The following GPC5 variants were observed in gnomAD, a reference collection of about 807,000 sequenced individuals.
GPC5 encodes glypican 5.
A neutral mutation model predicts 53.9 loss-of-function variants in GPC5; 47 were observed. The observed-to-expected ratio is 0.87, with a 90% CI of 0.69 to 1.11. The LOEUF (loss-of-function observed/expected upper bound fraction) is 1.11, where lower values mean the gene tolerates loss of function less well. Ranked by LOEUF, GPC5 falls within the 50% of genes most tolerant of loss-of-function variation. The pLI is 0.00. For missense variants in GPC5, 748 were observed against 713.1 expected, an observed-to-expected ratio of 1.05 and a Z score of -0.56; for synonymous variants, 286 against 263.3, an observed-to-expected ratio of 1.09 and a Z score of -0.84.
intron 7 of GPC5, among the ~76,000 whole-genome samples, chr13:92,179,875 T>C (rs1207068885): frequency 6.6e-6 from 1 of 152,200 alleles, no homozygotes; most frequent in African/African-American, 2.4e-5. Flanking sequence ...TGAAAACGTA[T>C]AGGTGAATTA....
At chr13:91,455,639 C>G (rs1044152001) in intron 2 of GPC5, among the ~76,000 whole-genome samples, 1 of 152,092 alleles carries the variant, frequency 6.6e-6, no homozygotes, top group Non-Finnish European at 1.5e-5. Flanking sequence ...AAAGTTTTAA[C>G]TAAAGTAATT....
intron 2 of GPC5, among the ~76,000 whole-genome samples, chr13:91,670,992 T>G (rs1310066227): frequency 6.6e-6 from 1 of 152,204 alleles, no homozygotes; most frequent in Non-Finnish European, 1.5e-5. Flanking sequence ...ACTCTTCATG[T>G]TTGACATTGG....
chr13:92,664,882 A>G (rs527986955), intron 7 of GPC5, among the ~76,000 whole-genome samples: 5 of 152,332 alleles, frequency 3.3e-5, no homozygotes, highest in South Asian at 2.1e-4. Context: ...TTACAGTATT[A>G]TTTATAACAG....
At chr13:92,320,734 A>G (rs1293218800) in intron 7 of GPC5, among the ~76,000 whole-genome samples, 2 of 152,178 alleles carry the variant, frequency 1.3e-5, no homozygotes, top group Admixed American at 1.3e-4. Flanking sequence ...CTGATTAACA[A>G]CTAGAAAAAC....
At chr13:92,354,021 T>G (rs1188038153) in intron 7 of GPC5, among the ~76,000 whole-genome samples, 2 of 152,180 alleles carry the variant, frequency 1.3e-5, no homozygotes, top group Non-Finnish European at 2.9e-5. Flanking sequence ...AGGAATAAAG[T>G]TAATAAATCT....
chr13:91,632,953 T>C (rs1007843420), intron 2 of GPC5, among the ~76,000 whole-genome samples: 3 of 152,254 alleles, frequency 2.0e-5, no homozygotes, highest in African/African-American at 4.8e-5. Flanking sequence ...TTAGTTATCA[T>C]AGCCTCCATG....
intron 7 of GPC5, among the ~76,000 whole-genome samples, chr13:92,366,079 CA>C (rs1466671444): frequency 6.6e-6 from 1 of 151,574 alleles, no homozygotes; most frequent in Non-Finnish European, 1.5e-5. Context: ...TCACCACAAA[CA>C]CATGAGTAAT....
chr13:92,768,908 G>A (rs1040750260), intron 7 of GPC5, among the ~76,000 whole-genome samples: 2 of 151,856 alleles, frequency 1.3e-5, no homozygotes, highest in East Asian at 1.9e-4. Flanking sequence ...TTTCTCCAAC[G>A]TCGAGGATAT....
At chr13:92,681,965 G>T (rs985121451) in intron 7 of GPC5, among the ~76,000 whole-genome samples, 2 of 152,200 alleles carry the variant, frequency 1.3e-5, no homozygotes, top group Non-Finnish European at 2.9e-5. Context: ...GACAGTGCAA[G>T]ATATTTGTTG....
intron 3 of GPC5, among the ~76,000 whole-genome samples, chr13:91,706,649 G>A (rs1346907388): frequency 6.6e-6 from 1 of 152,076 alleles, no homozygotes; most frequent in Non-Finnish European, 1.5e-5. Context: ...TTGTTGGGAA[G>A]TGTTAGAAAC....
At chr13:92,236,182 C>A (rs1271017061) in intron 7 of GPC5, among the ~76,000 whole-genome samples, 1 of 151,928 alleles carries the variant, frequency 6.6e-6, no homozygotes, top group Non-Finnish European at 1.5e-5. Flanking sequence ...ATGAATATTT[C>A]TTACTAAGAC....
At chr13:92,236,563 A>G (rs1339696952) in intron 7 of GPC5, among the ~76,000 whole-genome samples, 1 of 152,144 alleles carries the variant, frequency 6.6e-6, no homozygotes, top group Non-Finnish European at 1.5e-5. Context: ...ATTATACTTT[A>G]AACAACTATT....
intron 2 of GPC5, among the ~76,000 whole-genome samples, chr13:91,537,298 G>A (rs908387164): frequency 6.6e-6 from 1 of 151,706 alleles, no homozygotes; most frequent in African/African-American, 2.4e-5. Flanking sequence ...TAGATAGACT[G>A]AACAAGAAAA....
chr13:91,713,005 A>G (rs1379002505), intron 3 of GPC5, among the ~76,000 whole-genome samples: 2 of 152,166 alleles, frequency 1.3e-5, no homozygotes, highest in Non-Finnish European at 2.9e-5. Context: ...AGCCTGGGAA[A>G]CATGGTGAAA....
chr13:91,579,972 G>T (rs1566524730), intron 2 of GPC5, among the ~76,000 whole-genome samples: 1 of 152,012 alleles, frequency 6.6e-6, no homozygotes, highest in Non-Finnish European at 1.5e-5. Flanking sequence ...ATTCTTTCAA[G>T]TAACTTCTTG....
chr13:91,718,593 G>A (rs2036396991), intron 3 of GPC5, among the ~76,000 whole-genome samples: 1 of 151,704 alleles, frequency 6.6e-6, no homozygotes, highest in Admixed American at 6.5e-5. Context: ...ATGGTCATGT[G>A]AGGAAAATTA....
intron 7 of GPC5, among the ~76,000 whole-genome samples, chr13:92,609,179 C>A (rs546815856): frequency 6.6e-6 from 1 of 151,694 alleles, no homozygotes; most frequent in African/African-American, 2.4e-5. Context: ...AACTTGGGTA[C>A]GAAGGAATGT....
intron 1 of GPC5, among the ~76,000 whole-genome samples, chr13:91,401,347 CT>C (rs960064404): frequency 6.6e-6 from 1 of 151,340 alleles, no homozygotes; most frequent in Non-Finnish European, 1.5e-5. Flanking sequence ...ATACCACATG[CT>C]TAATAAATAA....
chr13:91,818,838 G>A (rs2038441928), intron 5 of GPC5, among the ~76,000 whole-genome samples: 1 of 152,174 alleles, frequency 6.6e-6, no homozygotes, highest in Admixed American at 6.5e-5. Context: ...ACACAACTAA[G>A]TTTACTTGAA....
Sources: allele counts gnomAD v4.1 joint callset (sites outside exome capture counted in the v4.1 genomes callset), GRCh38; gene constraint gnomAD v4.1.1; transcripts MANE v1.5; gene names NCBI Gene and HGNC (gene_info 2026-07-23, HGNC 2026-07-21).